The following UBL3 variants were observed in gnomAD, a reference collection of about 807,000 sequenced individuals.
UBL3 encodes ubiquitin-like protein 3.
UBL3 carries 6 observed loss-of-function variants against 18.4 expected under a neutral mutation model. That is an observed-to-expected ratio of 0.33 (90% CI 0.18 to 0.64). The LOEUF is 0.64. Ranked by LOEUF, UBL3 falls within the 30% of genes least tolerant of loss-of-function variation. The pLI, the probability that UBL3 is intolerant of heterozygous loss-of-function variation, is 0.76. For synonymous variants in UBL3, 49 were observed against 46.6 expected (o/e 1.05, Z -0.21); for missense variants, 109 against 142.9 (o/e 0.76, Z 1.21).
chr13:29,821,177 A>C (rs559561688), intron 1 of UBL3, among the ~76,000 whole-genome samples: 214 of 152,284 alleles, frequency 1.4e-3, no homozygotes, highest in Non-Finnish European at 2.2e-3. Flanking sequence ...CACAAAGAAG[A>C]AGCTTACTAA....
intron 2 of UBL3, among the ~76,000 whole-genome samples, chr13:29,776,090 GT>G (rs1392530069): frequency 6.6e-6 from 1 of 151,944 alleles, no homozygotes; most frequent in African/African-American, 2.4e-5. Context: ...AGTTAACTTT[GT>G]TTCAAACTTA....
intron 1 of UBL3, among the ~76,000 whole-genome samples, chr13:29,792,032 G>A (rs1358943515): frequency 2.0e-5 from 3 of 151,950 alleles, no homozygotes; most frequent in African/African-American, 7.2e-5. Flanking sequence ...TTTGTTTCTC[G>A]ATTAAATCCT....
At chr13:29,771,265 C>T (rs1278505951) in intron 3 of UBL3, among the ~76,000 whole-genome samples, 1 of 152,050 alleles carries the variant, frequency 6.6e-6, no homozygotes, top group Non-Finnish European at 1.5e-5. Flanking sequence ...TAGACCATTT[C>T]ATTTGCCTAT....
At chr13:29,772,508 A>G (rs1477130772) in intron 2 of UBL3, among the ~76,000 whole-genome samples, 1 of 152,078 alleles carries the variant, frequency 6.6e-6, no homozygotes, top group Non-Finnish European at 1.5e-5. Context: ...GTAAAAAGAA[A>G]TATCATTTTA....
chr13:29,790,961 T>C (rs1384681364), intron 1 of UBL3, among the ~76,000 whole-genome samples: 4 of 152,160 alleles, frequency 2.6e-5, no homozygotes, highest in African/African-American at 9.7e-5. Flanking sequence ...ATTTGGAATA[T>C]TCCCAAACTA....
chr13:29,826,645 T>A (rs1434291429), intron 1 of UBL3, among the ~76,000 whole-genome samples: 1 of 152,176 alleles, frequency 6.6e-6, no homozygotes, highest in East Asian at 1.9e-4. Flanking sequence ...AGCTCCTGGA[T>A]TATTGATTTT....
In UBL3 at chr13:29,766,227, TTTTGAC is replaced by T. The variant is rs1386409870; in HGVS notation, c.*1022_*1027del. The T allele has an allele frequency of 6.6e-6, 1 of 152,526 alleles. No homozygotes were observed. The highest frequency in any genetic ancestry group is 1.5e-5 in the Non-Finnish European group (1 of 67,984). 9.4% of individuals were successfully genotyped at this position (152,526 alleles called of 1,614,324 possible). A position where few individuals can be genotyped will look rare whatever the true frequency, so the allele number is the denominator to read the frequency against. ...TCTTGTGTATGCCATAAAAATCAGC[TTTTGAC>T]TTTAATACAATTGCAAGCACTAATA... is the stretch of plus-strand genomic sequence containing the variant. On this transcript the variant is annotated 3_prime_UTR_variant, in exon 5 of 5. Coordinates refer to ENST00000380680, the MANE Select transcript of UBL3 (RefSeq NM_007106.4).
chr13:29,780,367 A>AAAAAAAAAAAAAAATAT (rs1359464345), intron 1 of UBL3, among the ~76,000 whole-genome samples: 2 of 103,308 alleles, frequency 1.9e-5, no homozygotes, highest in African/African-American at 7.9e-5. Flanking sequence ...AAAAAAAAAA[A>AAAAAAAAAAAAAAATAT]ATATATATAT....
intron 1 of UBL3, among the ~76,000 whole-genome samples, chr13:29,797,595 T>TA (rs145804901): frequency 0.045 from 6,905 of 152,292 alleles, 222 homozygotes; most frequent in Middle Eastern, 0.092. Context: ...ATACATTACC[T>TA]ACATGCATTT....
chr13:29,805,344 C>G (rs1283753499), intron 1 of UBL3, among the ~76,000 whole-genome samples: 1 of 152,180 alleles, frequency 6.6e-6, no homozygotes, highest in Non-Finnish European at 1.5e-5. Flanking sequence ...TCTTAAAGTT[C>G]CTAGATTTCA....
intron 1 of UBL3, among the ~76,000 whole-genome samples, chr13:29,823,279 G>C (rs1878520959): frequency 6.6e-6 from 1 of 152,060 alleles, no homozygotes; most frequent in South Asian, 2.1e-4. Context: ...AGTAGGTGGG[G>C]TTACAGGCAT....
At position 29,788,954 on chromosome 13, in the gene UBL3, T is replaced by C. The variant is rs1877414084; in HGVS notation, c.28-11691A>G. Among the ~76,000 whole-genome samples the C allele has an allele frequency of 2.0e-5, 3 of 150,580 alleles. No individual in the cohort carries two copies. The South Asian group carries it at 6.3e-4, about 32-fold the overall frequency. On this transcript the variant is annotated intron_variant, in intron 1 of 4. Transcript: ENST00000380680. ...TGCTCTTGTTGCCCAGGCTGGAGTG[T>C]AACGGCGCAATCTCGGCTCACCGCA...
At chr13:29,822,073 A>G (rs993704156) in intron 1 of UBL3, among the ~76,000 whole-genome samples, 1 of 152,208 alleles carries the variant, frequency 6.6e-6, no homozygotes, top group African/African-American at 2.4e-5. Context: ...GGTTGAATAT[A>G]TATGGTAGGG....
intron 1 of UBL3, among the ~76,000 whole-genome samples, chr13:29,831,416 C>T (rs1015966768): frequency 6.6e-6 from 1 of 151,878 alleles, no homozygotes; most frequent in South Asian, 2.1e-4. Flanking sequence ...ATGGAGAAAA[C>T]CCGTCTCTAC....
intron 1 of UBL3, among the ~76,000 whole-genome samples, chr13:29,815,883 G>A (rs1878264246): frequency 6.6e-6 from 1 of 152,140 alleles, no homozygotes; most frequent in East Asian, 1.9e-4. Flanking sequence ...GAGAACAGCT[G>A]AATAATCTAT....
At chr13:29,816,670 G>A (rs1217666932) in intron 1 of UBL3, among the ~76,000 whole-genome samples, 2 of 137,270 alleles carry the variant, frequency 1.5e-5, no homozygotes, top group Non-Finnish European at 3.1e-5. Context: ...TGGGAGGATT[G>A]TTTGAGCCCA....
intron 1 of UBL3, among the ~76,000 whole-genome samples, chr13:29,800,212 A>G (rs201028922): frequency 6.6e-6 from 1 of 152,372 alleles, no homozygotes; most frequent in East Asian, 1.9e-4. Flanking sequence ...TTTTTAAGAT[A>G]TATTTTGAAA....
intron 2 of UBL3, 103 bp from the exon 3 acceptor site, chr13:29,772,301 A>G: frequency 1.1e-6 from 1 of 873,216 alleles, no homozygotes; most frequent in East Asian, 2.7e-5. Flanking sequence ...GAGTACAAAG[A>G]AGGCCCTTGG....
At position 29,814,585 on chromosome 13, in the gene UBL3, TGTAA is replaced by T. The variant is rs1375859209; in HGVS notation, c.27+34923_27+34926del. 9.0e-3 allele frequency among the ~76,000 whole-genome samples: 1,372 copies of T among 152,266 alleles called. 20 individuals are homozygous for T. The highest frequency in any genetic ancestry group is 0.032 in the African/African-American group (1,315 of 41,570). ...TTAACACCCACTCTTTTCCAAGCAC[TGTAA>T]TAGGCCCAAGATGTAAGGGCCTATT... On this transcript the variant is annotated intron_variant, in intron 1 of 4. Coordinates refer to ENST00000380680, the MANE Select transcript of UBL3 (RefSeq NM_007106.4).
Sources: allele counts gnomAD v4.1 joint callset (sites outside exome capture counted in the v4.1 genomes callset), GRCh38; gene constraint gnomAD v4.1.1; transcripts MANE v1.5; gene names NCBI Gene and HGNC (gene_info 2026-07-23, HGNC 2026-07-21).